The following XKR9 variants were observed in gnomAD, a reference collection of about 807,000 sequenced individuals.
The protein encoded by XKR9 is XK related 9.
In XKR9, 32 loss-of-function variants were observed where a neutral mutation model predicts 32.0. That is an observed-to-expected ratio of 1.00 (90% CI 0.76 to 1.34). XKR9 has a LOEUF of 1.34. Ranked by LOEUF, XKR9 falls within the 40% of genes most tolerant of loss-of-function variation. The pLI, the probability that XKR9 is intolerant of heterozygous loss-of-function variation, is 0.00. For missense variants in XKR9, 546 were observed against 429.7 expected (o/e 1.27, Z -2.39); for synonymous variants, 168 against 143.4 (o/e 1.17, Z -1.22).
chr8:70,710,551 C>A (rs957944103), intron 4 of XKR9, among the ~76,000 whole-genome samples: 14 of 151,776 alleles, frequency 9.2e-5, no homozygotes, highest in African/African-American at 3.1e-4. Flanking sequence ...ACATAGAGAA[C>A]AATTAGCTGG....
the XKR9 span, among the ~76,000 whole-genome samples, chr8:70,993,659 TTCCTTCC>T: frequency 6.9e-6 from 1 of 144,068 alleles, no homozygotes; most frequent in Non-Finnish European, 1.5e-5. Flanking sequence ...CCTTCCTTCC[TTCCTTCC>T]TTCCTCCCAT....
chr8:70,943,870 A>G, the XKR9 span, among the ~76,000 whole-genome samples: 1,602 of 152,156 alleles, frequency 0.011, 34 homozygotes, highest in African/African-American at 0.037. Context: ...TCAGATTTTT[A>G]TTTTTTTCCC....
At chr8:70,699,040 G>A (rs532104663) in intron 3 of XKR9, among the ~76,000 whole-genome samples, 4 of 152,114 alleles carry the variant, frequency 2.6e-5, no homozygotes, top group African/African-American at 9.7e-5. Flanking sequence ...TTGCTTGGTA[G>A]ATCTTCCTCC....
intron 3 of XKR9, among the ~76,000 whole-genome samples, chr8:70,706,574 C>G: frequency 6.6e-6 from 1 of 152,092 alleles, no homozygotes; most frequent in East Asian, 1.9e-4. Context: ...TGTGTCTACC[C>G]CTTACTATCT....
At position 70,734,167 on chromosome 8, in the gene XKR9, T is replaced by G. The variant is rs757125209; in HGVS notation, c.865T>G (p.Cys289Gly). The G allele has an allele frequency of 6.2e-7, 1 of 1,613,298 alleles. No individual in the cohort carries two copies. The highest frequency in any genetic ancestry group is 8.5e-7 in the Non-Finnish European group (1 of 1,179,502). Reference protein sequence around the residue: ...KGQNTKCPMSCYYIVRVLGTL... With the variant: ...KGQNTKCPMSGYYIVRVLGTL... ...ACAGAATACCAAGTGTCCAATGTCT[T>G]GTTATTATATTGTTAGGGTACTGGG... Residue 289 changes from cysteine (C) to glycine (G), a missense_variant, in exon 5 of 5, where the codon TGT becomes GGT. Transcript: ENST00000408926.
the XKR9 span, among the ~76,000 whole-genome samples, chr8:70,919,439 G>A: frequency 6.6e-6 from 1 of 152,252 alleles, no homozygotes; most frequent in African/African-American, 2.4e-5. Flanking sequence ...TTATAGCAAT[G>A]AATGGTTTGA....
At chr8:70,686,508 A>C (rs1033411612) in intron 3 of XKR9, among the ~76,000 whole-genome samples, 1 of 151,416 alleles carries the variant, frequency 6.6e-6, no homozygotes, top group Non-Finnish European at 1.5e-5. Flanking sequence ...CAGTGGCCCG[A>C]TATTGGCTCA....
At chr8:71,037,825 G>A in the XKR9 span, among the ~76,000 whole-genome samples, 2 of 152,246 alleles carry the variant, frequency 1.3e-5, no homozygotes, top group South Asian at 2.1e-4. Context: ...TCCAAACAAA[G>A]CAACCGGATA....
the XKR9 span, among the ~76,000 whole-genome samples, chr8:70,944,645 T>A: frequency 1.3e-5 from 2 of 152,142 alleles, no homozygotes; most frequent in Non-Finnish European, 2.9e-5. Flanking sequence ...AGGAGCCACC[T>A]CTCTGTAAAG....
At chr8:70,810,795 C>T in the XKR9 span, among the ~76,000 whole-genome samples, 1 of 152,122 alleles carries the variant, frequency 6.6e-6, no homozygotes, top group African/African-American at 2.4e-5. Context: ...TAAAGCAAGT[C>T]CTTAGAGACC....
chr8:70,904,948 C>T, the XKR9 span, among the ~76,000 whole-genome samples: 1 of 152,114 alleles, frequency 6.6e-6, no homozygotes, highest in Non-Finnish European at 1.5e-5. Context: ...GGATATTGGC[C>T]CCCACTCTCT....
chr8:70,765,817 T>C (rs141346915), intron 2 of XKR9, among the ~76,000 whole-genome samples: 1,911 of 152,328 alleles, frequency 0.013, 15 homozygotes, highest in Non-Finnish European at 0.019. Context: ...TTCAGTTTTC[T>C]GCATATGGCT....
chr8:70,907,039 C>T, the XKR9 span, among the ~76,000 whole-genome samples: 1 of 152,160 alleles, frequency 6.6e-6, no homozygotes, highest in Non-Finnish European at 1.5e-5. Flanking sequence ...CCTTTCCTGT[C>T]TCCATCCCAG....
intron 2 of XKR9, among the ~76,000 whole-genome samples, chr8:70,675,503 T>C (rs1362232234): frequency 6.6e-6 from 1 of 152,214 alleles, no homozygotes; most frequent in Non-Finnish European, 1.5e-5. Flanking sequence ...ACTTTTATGC[T>C]CTGCTTCCTG....
At chr8:70,807,355 C>A in the XKR9 span, among the ~76,000 whole-genome samples, 1 of 152,148 alleles carries the variant, frequency 6.6e-6, no homozygotes, top group African/African-American at 2.4e-5. Flanking sequence ...ACTGCACCAA[C>A]AAGTGTGCAA....
intron 3 of XKR9, among the ~76,000 whole-genome samples, chr8:70,695,128 C>CTTTTTTTT (rs149186256): frequency 8.0e-6 from 1 of 125,260 alleles, no homozygotes; most frequent in Non-Finnish European, 1.6e-5. Flanking sequence ...CCTTGTTTTT[C>CTTTTTTTT]TTTTTTTTTT....
chr8:70,981,807 T>C, the XKR9 span, among the ~76,000 whole-genome samples: 1 of 152,202 alleles, frequency 6.6e-6, no homozygotes, highest in Non-Finnish European at 1.5e-5. Flanking sequence ...AGGGCTGCAG[T>C]TCAGATTCTT....
chr8:70,857,819 A>G, the XKR9 span, among the ~76,000 whole-genome samples: 3 of 152,188 alleles, frequency 2.0e-5, no homozygotes, highest in Non-Finnish European at 2.9e-5. Context: ...ACATATGCAA[A>G]TCAAGAAATG....
At chr8:71,007,062 A>G in the XKR9 span, among the ~76,000 whole-genome samples, 1 of 152,270 alleles carries the variant, frequency 6.6e-6, no homozygotes, top group African/African-American at 2.4e-5. Flanking sequence ...CCCTGAATGG[A>G]ACCTCCTCCT....
Sources: allele counts gnomAD v4.1 joint callset (sites outside exome capture counted in the v4.1 genomes callset), GRCh38; gene constraint gnomAD v4.1.1; transcripts MANE v1.5; gene names NCBI Gene and HGNC (gene_info 2026-07-23, HGNC 2026-07-21).